POU2F2: variants seen among roughly 807,000 people sequenced by gnomAD.
The protein encoded by POU2F2 is POU domain, class 2, transcription factor 2.
In POU2F2, 14 loss-of-function variants were observed where a neutral mutation model predicts 63.5. The observed-to-expected ratio is 0.22, with a 90% CI of 0.15 to 0.34. POU2F2 has a LOEUF of 0.34. POU2F2 is among the 10% of genes least tolerant of loss of function. POU2F2 has a pLI of 1.00. For synonymous variants in POU2F2, 306 were observed against 348.6 expected, an observed-to-expected ratio of 0.88 and a Z score of 1.36; for missense variants, 607 against 815.2, an observed-to-expected ratio of 0.74 and a Z score of 3.11.
intron 5 of POU2F2, among the ~76,000 whole-genome samples, chr19:42,106,182 T>C (rs2029951657): frequency 6.6e-6 from 1 of 151,908 alleles, no homozygotes; most frequent in South Asian, 2.1e-4. Flanking sequence ...CTTGGCTCAC[T>C]GCAACCTCTG....
chr19:42,139,554 C>G (rs189578082), intron 2 of POU2F2, among the ~76,000 whole-genome samples: 3 of 152,124 alleles, frequency 2.0e-5, no homozygotes, highest in African/African-American at 4.8e-5. Context: ...ATTCTCTTGC[C>G]TCAGTCTCCT....
rs974072899 is a variant in POU2F2, at chr19:42,162,847, T to C, written c.-69-2455A>G. 6.6e-6 allele frequency among the ~76,000 whole-genome samples: 1 copy of C among 152,038 alleles called. No homozygotes were observed. The highest frequency in any genetic ancestry group is 6.6e-5 in the Admixed American group (1 of 15,264). The stretch of plus-strand genomic sequence containing the variant: ...CCCCCACAGACACAGAATGCCCACA[T>C]ACAACCCCACCGATAGACAGATGGA... On this transcript the variant is annotated intron_variant, in intron 1 of 6. Coordinates refer to the POU2F2 transcript ENST00000524801. This position sits in a 1 kb window ranked among gnomAD's most constrained non-coding sequence, Gnocchi z 4.1.
At chr19:42,185,347 C>T (rs1427730050) in intron 1 of POU2F2, among the ~76,000 whole-genome samples, 1 of 152,134 alleles carries the variant, frequency 6.6e-6, no homozygotes, top group Non-Finnish European at 1.5e-5. Context: ...ATCCTCCACA[C>T]TGGCTACTGG....
upstream of POU2F2, among the ~76,000 whole-genome samples, chr19:42,197,651 G>A (rs2035167057): frequency 6.6e-6 from 1 of 152,166 alleles, no homozygotes; most frequent in Admixed American, 6.5e-5. Flanking sequence ...GGGAAGGGCA[G>A]GAGGCCACAA....
chr19:42,182,242 A>AAAAG (rs2034969504), intron 1 of POU2F2, among the ~76,000 whole-genome samples: 1 of 125,880 alleles, frequency 7.9e-6, no homozygotes. Flanking sequence ...TCTGTCTCAA[A>AAAAG]AGAGAGAGAG....
intron 2 of POU2F2, among the ~76,000 whole-genome samples, chr19:42,159,505 T>C (rs2034515309): frequency 6.6e-6 from 1 of 151,936 alleles, no homozygotes; most frequent in Non-Finnish European, 1.5e-5. Context: ...GGAATAGGGG[T>C]GGCAGTAGAG....
Position 42,095,294 on chromosome 19 carries a change from G to C in POU2F2, c.1189C>G (p.Pro397Ala). Residue 397 changes from proline to alanine, a missense_variant, in exon 11 of 15, where the codon CCC becomes GCC. Pro to Ala is a conservative substitution (Grantham distance 27). Around this residue, in one of 7 missense-constraint regions of POU2F2, gnomAD observed 270 missense variants for 307.5 expected, o/e 0.88. Coordinates refer to ENST00000692977, the MANE Select transcript of POU2F2 (RefSeq NM_001394376.1). The surrounding 1 kb of genome is among the most constrained non-coding windows in gnomAD (Gnocchi z 7.1). ...AGGCGGGCTCTTGGTACCATATGGGGGCTGTAGCTGGCCGGCTTCCCTGGG... is the reference window on the plus strand; with the variant it reads ...AGGCGGGCTCTTGGTACCATATGGGCGCTGTAGCTGGCCGGCTTCCCTGGG... ...PSPGKPASYS[P>A]HMVTPQGGAG... 3 of 1,612,986 alleles carry C rather than the reference G, an allele frequency of 1.9e-6. No individual in the cohort carries two copies. The highest frequency in any genetic ancestry group is 2.5e-6 in the Non-Finnish European group (3 of 1,179,856).
chr19:42,195,905 T>C (rs1022420854), intron 1 of POU2F2, among the ~76,000 whole-genome samples: 6 of 151,672 alleles, frequency 4.0e-5, no homozygotes, highest in African/African-American at 1.2e-4. Context: ...TCAGCCTCCC[T>C]GGCAGTTGGG....
intron 5 of POU2F2, among the ~76,000 whole-genome samples, chr19:42,102,016 T>C (rs924712742): frequency 6.6e-6 from 1 of 151,792 alleles, no homozygotes; most frequent in Non-Finnish European, 1.5e-5. Flanking sequence ...ACACCACCCT[T>C]AGGACCCAGC....
Position 42,095,489 on chromosome 19 carries a change from A to C in POU2F2, c.1021-27T>G. The C allele has an allele frequency of 6.2e-7, 1 of 1,608,130 alleles. No individual in the cohort carries two copies. Among genetic ancestry groups the C allele is most frequent in the Non-Finnish European group, 8.5e-7 (1 of 1,177,510 alleles). The stretch of plus-strand genomic sequence containing the variant: ...TGCAGGCAGAGGGCTCGTTAGCCCG[A>C]GGCCCACCGCCCGCCACCCCTCAGG... On this transcript the variant is annotated intron_variant, in intron 10 of 14. Transcript: ENST00000692977. This position sits in a 1 kb window ranked among gnomAD's most constrained non-coding sequence, Gnocchi z 7.1.
chr19:42,144,441 C>G (rs921582780), intron 2 of POU2F2, among the ~76,000 whole-genome samples: 1 of 152,246 alleles, frequency 6.6e-6, no homozygotes, highest in South Asian at 2.1e-4. Context: ...CTGTCCTCCC[C>G]TGGTGCTCCA....
At chr19:42,102,670 G>A (rs1194810216) in intron 5 of POU2F2, among the ~76,000 whole-genome samples, 5 of 151,906 alleles carry the variant, frequency 3.3e-5, no homozygotes, top group Admixed American at 2.6e-4. Flanking sequence ...GGATGAGGTA[G>A]GGAAAGAGGG....
rs373615815 is a variant in POU2F2 at position 42,163,027 on chromosome 19, A to T, written c.-69-2635T>A. Among the ~76,000 whole-genome samples, 16 of 152,300 alleles carry T rather than the reference A, an allele frequency of 1.1e-4. No homozygotes were observed. The East Asian group carries it at 2.7e-3, about 26-fold the overall frequency. On this transcript the variant is annotated intron_variant, in intron 1 of 6. Transcript: ENST00000524801. ...ACACTGCTGTGGAAAATGGAGGCTC[A>T]GACAGGTAAAGTCACTTGCTCAAGG...
intron 7 of POU2F2, among the ~76,000 whole-genome samples, chr19:42,098,493 A>G (rs1195217550): frequency 2.0e-5 from 3 of 151,136 alleles, no homozygotes; most frequent in Non-Finnish European, 4.4e-5. Context: ...CCCCACCCCC[A>G]CTAGGGTCAA....
intron 4 of POU2F2, among the ~76,000 whole-genome samples, chr19:42,119,736 C>G (rs1049777905): frequency 1.3e-5 from 2 of 152,074 alleles, no homozygotes; most frequent in Admixed American, 1.3e-4. Context: ...TGCACTCCAG[C>G]CCGGGTGACA....
At chr19:42,191,355 C>A (rs963258715) in intron 1 of POU2F2, among the ~76,000 whole-genome samples, 1 of 152,182 alleles carries the variant, frequency 6.6e-6, no homozygotes, top group Non-Finnish European at 1.5e-5. Flanking sequence ...CTGTGCCCCT[C>A]CACAACTCCA....
chr19:42,151,355 G>A (rs762868416), intron 2 of POU2F2, among the ~76,000 whole-genome samples: 3 of 151,920 alleles, frequency 2.0e-5, no homozygotes, highest in Non-Finnish European at 4.4e-5. Context: ...CCTCCCCCTC[G>A]GGTCAAGGCT....
upstream of POU2F2, among the ~76,000 whole-genome samples, chr19:42,177,761 G>C (rs955902039): frequency 6.6e-6 from 1 of 151,864 alleles, no homozygotes; most frequent in African/African-American, 2.4e-5. Flanking sequence ...AAGGTATGGA[G>C]AGACACTGAG....
At chr19:42,132,093 A>C (rs2033788307) in intron 1 of POU2F2, among the ~76,000 whole-genome samples, 1 of 152,236 alleles carries the variant, frequency 6.6e-6, no homozygotes, top group Admixed American at 6.5e-5. Flanking sequence ...GGTTCTCCAC[A>C]TGAGGGCCCG....
Sources: gnomAD v4.1 joint callset for allele counts (sites outside exome capture counted in the v4.1 genomes callset) on GRCh38, gnomAD v4.1.1 for gene constraint, gnomAD v4.1.1 regional missense constraint, Gnocchi (gnomAD v3.1) non-coding constraint, MANE v1.5 for transcripts, NCBI Gene and HGNC (gene_info 2026-07-23, HGNC 2026-07-21) for gene names.